DMXL1: variants seen among roughly 807,000 people sequenced by gnomAD.
DMXL1 encodes the protein dmX-like protein 1.
Under a neutral mutation model 319.2 loss-of-function variants are expected in DMXL1, and 99 were observed. That is an observed-to-expected ratio of 0.31 (90% confidence interval 0.26 to 0.37). The LOEUF (loss-of-function observed/expected upper bound fraction) is 0.37, where lower values mean the gene tolerates loss of function less well. Among genes scored for constraint, DMXL1 ranks in the 10% least tolerant of loss-of-function variants. The pLI, the probability that DMXL1 is intolerant of heterozygous loss-of-function variation, is 1.00. For missense variants in DMXL1, 3,745 were observed against 3,595.6 expected (o/e 1.04, Z -1.06); for synonymous variants, 1,385 against 1,235.2 (o/e 1.12, Z -2.54).
chr5:119,214,502 A>T (rs1274911152), intron 34 of DMXL1, among the ~76,000 whole-genome samples: 5 of 152,082 alleles, frequency 3.3e-5, no homozygotes, highest in South Asian at 2.1e-4. Context: ...ACTCTTTATT[A>T]TGTCTTTTAA....
Position 119,154,309 on chromosome 5 carries a change from C to T in DMXL1, c.4702+2273C>T, listed in dbSNP as rs535348214. ...AGCCGAGATAGGCTGAAAGCTAAGC[C>T]TCTTGTGCCAAACAGTTTACCAAAT... On this transcript the variant is annotated intron_variant, in intron 19 of 43. Transcript: ENST00000539542. 3.3e-5 allele frequency among the ~76,000 whole-genome samples: 5 copies of T among 152,340 alleles called. No homozygotes were observed. In the East Asian group the frequency reaches 7.7e-4, roughly 24 times the overall value.
chr5:119,203,971 C>T lies in DMXL1; in HGVS notation c.7863+535C>T, dbSNP rs186996830. Among the ~76,000 whole-genome samples, 703 of 151,964 alleles carry T rather than the reference C, an allele frequency of 4.6e-3. 4 individuals carry two copies. Among genetic ancestry groups the T allele is most frequent in the Middle Eastern group, 0.02 (6 of 294 alleles). The stretch of plus-strand genomic sequence containing the variant: ...CCGAGTAGCTGGGACTACAGGTGCC[C>T]GCCACCACGCCCAACTAATTTTTTG... On this transcript the variant is annotated intron_variant, in intron 33 of 43. Transcript: ENST00000539542.
intron 17 of DMXL1, 43 bp downstream of exon 17, chr5:119,147,513 A>G (rs1252320262): frequency 7.5e-7 from 1 of 1,330,214 alleles, no homozygotes; most frequent in African/African-American, 1.5e-5. Context: ...GTAACACATG[A>G]GTATTTACCA....
At chr5:119,134,736 A>G (rs1304890817) in intron 13 of DMXL1, among the ~76,000 whole-genome samples, 1 of 152,230 alleles carries the variant, frequency 6.6e-6, no homozygotes, top group African/African-American at 2.4e-5. Flanking sequence ...CAGGAATAGA[A>G]TTTTAATCTT....
In DMXL1 at chr5:119,197,877, A is replaced by T; in HGVS notation, c.7666A>T (p.Thr2556Ser). 1 of 1,614,196 alleles carries T rather than the reference A, an allele frequency of 6.2e-7. No homozygotes were observed. The highest frequency in any genetic ancestry group is 8.5e-7 in the Non-Finnish European group (1 of 1,180,026). ...GPPQNYIASH[T>S]AEESLSAGPA... ...ACCTCAAAATTATATCGCAAGTCAT[A>T]CCGCCGAAGAGAGTTTGTCTGCAGG... The change falls in exon 32 of 44, where the codon ACC becomes TCC. Residue 2556 changes from threonine (T) to serine (S), a missense_variant. Around this residue, in one of 4 missense-constraint regions of DMXL1, gnomAD observed 1,382 missense variants for 1,269.5 expected, o/e 1.09. Coordinates refer to ENST00000539542, the MANE Select transcript of DMXL1 (RefSeq NM_001290321.3).
At chr5:119,095,832 C>T (rs975036899) in intron 1 of DMXL1, among the ~76,000 whole-genome samples, 4 of 152,138 alleles carry the variant, frequency 2.6e-5, no homozygotes, top group Non-Finnish European at 5.9e-5. Flanking sequence ...AGGAGATCAT[C>T]ATGTGATTTT....
intron 42 of DMXL1, among the ~76,000 whole-genome samples, chr5:119,242,921 CAGACCTCACCTTTCATAAAA>C (rs1561954482): frequency 6.6e-6 from 1 of 152,174 alleles, no homozygotes; most frequent in African/African-American, 2.4e-5. Flanking sequence ...AACCCAGATA[CAGACCTCACCTTTCATAAAA>C]ATTAACTCAA....
chr5:119,193,048 C>A (rs1283473564), intron 29 of DMXL1, among the ~76,000 whole-genome samples: 1 of 152,170 alleles, frequency 6.6e-6, no homozygotes, highest in African/African-American at 2.4e-5. Flanking sequence ...CTATGTCCAA[C>A]CTGCCAACTC....
chr5:119,109,904 C>G (rs73242924), intron 4 of DMXL1, among the ~76,000 whole-genome samples: 4,160 of 152,198 alleles, frequency 0.027, 216 homozygotes, highest in African/African-American at 0.095. Flanking sequence ...TTTCCAATGT[C>G]TAGCACAGTG....
At chr5:119,169,197 T>G (rs1257014425) in intron 23 of DMXL1, among the ~76,000 whole-genome samples, 4 of 152,226 alleles carry the variant, frequency 2.6e-5, no homozygotes, top group Admixed American at 2.0e-4. Context: ...TTTCTTATAC[T>G]TAACACATAT....
intron 1 of DMXL1, among the ~76,000 whole-genome samples, chr5:119,084,066 C>T (rs1439303724): frequency 6.6e-6 from 1 of 151,814 alleles, no homozygotes; most frequent in African/African-American, 2.4e-5. Context: ...TTTCATATAC[C>T]TGTTGGCCAT....
chr5:119,230,891 A>G (rs1786585096), intron 38 of DMXL1, among the ~76,000 whole-genome samples: 1 of 152,160 alleles, frequency 6.6e-6, no homozygotes, highest in African/African-American at 2.4e-5. Flanking sequence ...CAAAATAAAT[A>G]AATAAATAAA....
Position 119,170,605 on chromosome 5 carries a change from T to C in DMXL1, c.5814T>C (p.Gly1938=). 1 of 1,613,738 alleles carries C rather than the reference T, an allele frequency of 6.2e-7. No individual in the cohort carries two copies. The highest frequency in any genetic ancestry group is 8.5e-7 in the Non-Finnish European group (1 of 1,179,844). The change falls in exon 24 of 44, where the codon GGT becomes GGC. Residue 1938 remains glycine, a synonymous_variant. Transcript: ENST00000539542. The part of the protein sequence containing the change: ...LINGFGSSSE[G]SSEKQSNSTL... ...ATGGTTTTGGATCTTCTTCAGAGGG[T>C]TCCTCAGAGAAGCAATCAAACTCCA...
At chr5:119,156,232 G>C (rs1221656913) in intron 19 of DMXL1, among the ~76,000 whole-genome samples, 2 of 152,166 alleles carry the variant, frequency 1.3e-5, no homozygotes, top group Admixed American at 6.5e-5. Flanking sequence ...CAAAAATTAT[G>C]ACTTGCTTAA....
intron 10 of DMXL1, among the ~76,000 whole-genome samples, chr5:119,132,428 GC>G (rs1765117718): frequency 6.6e-6 from 1 of 152,026 alleles, no homozygotes. Context: ...CGCCTGTAAT[GC>G]CAGTACTTTG....
At chr5:119,147,128 CATATT>C (rs562982707) in intron 16 of DMXL1, 116 bp from the exon 17 acceptor site, 1 of 1,108,546 alleles carries the variant, frequency 9.0e-7, no homozygotes, top group South Asian at 1.5e-5. Flanking sequence ...TGTGAAGAAT[CATATT>C]AATATGTTTA....
intron 10 of DMXL1, among the ~76,000 whole-genome samples, chr5:119,131,233 A>G (rs1039508261): frequency 2.0e-5 from 3 of 151,814 alleles, no homozygotes; most frequent in East Asian, 1.9e-4. Context: ...TAAAAAAAAT[A>G]TATCTCTTCA....
At chr5:119,238,559 A>C (rs1468424552) in intron 40 of DMXL1, among the ~76,000 whole-genome samples, 1 of 152,168 alleles carries the variant, frequency 6.6e-6, no homozygotes, top group Non-Finnish European at 1.5e-5. Context: ...GTATCATCTA[A>C]AATTCTAGTT....
At position 119,134,192 on chromosome 5, in the gene DMXL1, T is replaced by C; in HGVS notation, c.2254+14T>C. On this transcript the variant is annotated intron_variant, in intron 12 of 43. Transcript: ENST00000539542. ...GTTATTGTCTGGGTAAGTATTCTGG[T>C]TTTTATTACAGTAATTTAGATTTGC... 6.2e-7 allele frequency: 1 copy of C among 1,607,702 alleles called. No individual in the cohort carries two copies. Among genetic ancestry groups the C allele is most frequent in the Non-Finnish European group, 8.5e-7 (1 of 1,177,638 alleles).
Sources: gnomAD v4.1 joint callset for allele counts (sites outside exome capture counted in the v4.1 genomes callset) on GRCh38, gnomAD v4.1.1 for gene constraint, gnomAD v4.1.1 regional missense constraint, MANE v1.5 for transcripts, NCBI Gene and HGNC (gene_info 2026-07-23, HGNC 2026-07-21) for gene names.